BAX: variants seen among roughly 807,000 people sequenced by gnomAD.
The protein encoded by BAX is apoptosis regulator BAX.
Under a neutral mutation model 26.8 loss-of-function variants are expected in BAX, and 21 were observed. The ratio of observed to expected loss-of-function variants is 0.78; its 90% CI spans 0.56 to 1.13. The LOEUF (loss-of-function observed/expected upper bound fraction) is 1.13, where lower values mean the gene tolerates loss of function less well. BAX is among the 50% of genes most tolerant of loss of function. The probability of loss-of-function intolerance (pLI) is 0.00; values close to 1 mark genes in which losing one functional copy is unlikely to be tolerated. For synonymous variants in BAX, 110 were observed against 101.8 expected, an observed-to-expected ratio of 1.08 and a Z score of -0.49; for missense variants, 236 against 254.6, an observed-to-expected ratio of 0.93 and a Z score of 0.50.
At chr19:48,961,144 C>T (rs1437362405) in intron 5 of BAX, 7 of 1,543,634 alleles carry the variant, frequency 4.5e-6, no homozygotes, top group East Asian at 4.5e-5. Context: ...TGACCCCTGA[C>T]CTCACTGTGA....
chr19:48,960,183 A>G (rs2038300844), intron 4 of BAX: 2 of 422,346 alleles, frequency 4.7e-6, no homozygotes, highest in Non-Finnish European at 4.7e-6. Context: ...CTTGTTTACA[A>G]TTTTATTTTT....
rs751182192 is a variant in BAX at position 48,956,339 on chromosome 19, C to T, written c.369+6C>T. The T allele has an allele frequency of 3.7e-5, 58 of 1,555,888 alleles. No homozygotes were observed. Among genetic ancestry groups the T allele is most frequent in the Non-Finnish European group, 4.8e-5 (55 of 1,150,920 alleles). ...CCAGCAAACTGGTGCTCAAGGTGGG[C>T]AGCTGCAGGGCAGTGAGCCCAGGGA... On this transcript the variant is annotated splice_donor_region_variant and intron_variant, in intron 4 of 5. Coordinates refer to ENST00000345358, the MANE Select transcript of BAX (RefSeq NM_138761.4).
intron 1 of BAX, 81 bp downstream of exon 1, chr19:48,955,043 T>A: frequency 1.6e-6 from 2 of 1,233,610 alleles, no homozygotes; most frequent in Non-Finnish European, 1.0e-6. Context: ...GGCCTGGGGC[T>A]GTGCGATCTC....
rs767613414 is a variant in BAX at position 48,955,682 on chromosome 19, T to G, written c.87-5T>G. 6 of 1,611,844 alleles carry G rather than the reference T, an allele frequency of 3.7e-6. No homozygotes were observed. In the South Asian group the frequency reaches 6.6e-5, roughly 18 times the overall value. On this transcript the variant is annotated splice_polypyrimidine_tract_variant and splice_region_variant and intron_variant, in intron 2 of 5. Transcript: ENST00000345358. ...TTCTGCACCCTCACTCCATCCCCAC[T>G]CTAGTTTCATCCAGGATCGAGCAGG...
At chr19:48,955,310 G>A in intron 1 of BAX, 1 of 465,406 alleles carries the variant, frequency 2.1e-6, no homozygotes. Flanking sequence ...GGGTCTGGAT[G>A]CATATAGCGT....
chr19:48,961,147 C>T, intron 5 of BAX: 1 of 1,539,922 alleles, frequency 6.5e-7, no homozygotes, highest in Non-Finnish European at 8.7e-7. Context: ...CCCCTGACCT[C>T]ACTGTGACCT....
At chr19:48,960,188 AT>A (rs11358529) in intron 4 of BAX, 132,253 of 437,208 alleles carry the variant, frequency 0.3, 20,492 homozygotes, top group Non-Finnish European at 0.31. Flanking sequence ...TTACAATTTT[AT>A]TTTTTTTATT....
At chr19:48,956,423 C>CCT in intron 4 of BAX, 90 bp downstream of exon 4, 1 of 1,373,092 alleles carries the variant, frequency 7.3e-7, no homozygotes. Context: ...CTGCAGTGGC[C>CCT]CAGTGACCAC....
chr19:48,955,860 C>G (rs1466511334), intron 3 of BAX, 27 bp downstream of exon 3: 1 of 1,552,152 alleles, frequency 6.4e-7, no homozygotes, highest in Non-Finnish European at 8.7e-7. Flanking sequence ...ACCCAGAAGT[C>G]CAGCCACTGG....
chr19:48,960,143 CA>C (rs1384113701), intron 4 of BAX: 2 of 396,742 alleles, frequency 5.0e-6, no homozygotes, highest in Non-Finnish European at 1.0e-5. Context: ...ACAGAAGGCT[CA>C]GGGGTGGGGC....
chr19:48,961,568 C>T lies in BAX; in HGVS notation c.511C>T (p.Gln171Ter). The T allele has an allele frequency of 1.9e-6, 3 of 1,611,676 alleles. No individual in the cohort carries two copies. The highest frequency in any genetic ancestry group is 1.7e-6 in the Non-Finnish European group (2 of 1,179,024). Reference protein sequence around the residue: ...LLSYFGTPTWQTVTIFVAGVL... With the variant: ...LLSYFGTPTW ...CTCCTACTTTGGGACGCCCACGTGGCAGACCGTGACCATCTTTGTGGCGGG... is the reference window on the plus strand; with the variant it reads ...CTCCTACTTTGGGACGCCCACGTGGTAGACCGTGACCATCTTTGTGGCGGG... The change falls in exon 6 of 6, where the codon CAG becomes TAG. Residue 171 changes from glutamine (Q) to a stop codon, truncating the protein, a stop_gained. Transcript: ENST00000345358. LOFTEE classifies it high-confidence loss of function.
intron 3 of BAX, 40 bp downstream of exon 3, chr19:48,955,873 T>C: frequency 1.3e-6 from 2 of 1,544,694 alleles, no homozygotes. Flanking sequence ...GCCACTGGGC[T>C]CCTTCAGGAC....
chr19:48,961,283 C>T (rs1020597783), intron 5 of BAX: 56 of 1,415,250 alleles, frequency 4.0e-5, no homozygotes, highest in South Asian at 7.6e-5. Flanking sequence ...GAAGGGGTCT[C>T]GCTATGTTGC....
At chr19:48,960,420 A>G (rs1244877281) in intron 4 of BAX, 3 of 322,778 alleles carry the variant, frequency 9.3e-6, no homozygotes, top group Non-Finnish European at 1.2e-5. Context: ...CTGGAGTGCA[A>G]TGGCGCAACC....
At position 48,956,260 on chromosome 19, in the gene BAX, T is replaced by C. The variant is rs1350845070; in HGVS notation, c.296T>C (p.Met99Thr). The change falls in exon 4 of 6, where the codon ATG (methionine) becomes ACG (threonine). Residue 99 changes from methionine to threonine, a missense_variant. Met to Thr is a moderately conservative substitution (Grantham distance 81). Coordinates refer to ENST00000345358, the MANE Select transcript of BAX (RefSeq NM_138761.4). Reference protein sequence around the residue: ...REVFFRVAADMFSDGNFNWGR... With the variant: ...REVFFRVAADTFSDGNFNWGR... Reference sequence around the variant, plus strand: ...GTCTTTTTCCGAGTGGCAGCTGACATGTTTTCTGACGGCAACTTCAACTGG... The same window carrying C: ...GTCTTTTTCCGAGTGGCAGCTGACACGTTTTCTGACGGCAACTTCAACTGG... The C allele has an allele frequency of 6.3e-7, 1 of 1,589,408 alleles. No individual in the cohort carries two copies. Among genetic ancestry groups the C allele is most frequent in the Non-Finnish European group, 8.6e-7 (1 of 1,168,814 alleles).
intron 4 of BAX, chr19:48,960,295 G>A (rs1225831956): frequency 2.3e-6 from 1 of 427,480 alleles, no homozygotes; most frequent in Admixed American, 2.5e-5. Context: ...CTGGGTTCAA[G>A]CGATTCACCT....
intron 4 of BAX, among the ~76,000 whole-genome samples, chr19:48,958,631 C>A (rs1485814575): frequency 6.6e-6 from 1 of 151,748 alleles, no homozygotes; most frequent in African/African-American, 2.4e-5. Flanking sequence ...GCAACCTCCA[C>A]CTCCTGGGTT....
At chr19:48,955,202 G>A in intron 1 of BAX, 1 of 472,584 alleles carries the variant, frequency 2.1e-6, no homozygotes, top group Non-Finnish European at 3.4e-6. Flanking sequence ...GATCTCGGAA[G>A]CCAAGCCCCC....
At position 48,955,554 on chromosome 19, in the gene BAX, C is replaced by T. The variant is rs144179827; in HGVS notation, c.41C>T (p.Thr14Ile). The change falls in exon 2 of 6, where the codon ACC becomes ATC. Residue 14 changes from threonine to isoleucine, a missense_variant. By Grantham distance (89) the Thr-to-Ile change is moderately conservative. Coordinates refer to ENST00000345358, the MANE Select transcript of BAX (RefSeq NM_138761.4). ...CCCTTCCTTTCTCCTCTAGGGCCCACCAGCTCTGAGCAGATCATGAAGACA... is the reference window on the plus strand; with the variant it reads ...CCCTTCCTTTCTCCTCTAGGGCCCATCAGCTCTGAGCAGATCATGAAGACA... The part of the protein sequence containing the change: ...SGEQPRGGGP[T>I]SSEQIMKTGA... 1 of 1,613,112 alleles carries T rather than the reference C, an allele frequency of 6.2e-7. No homozygotes were observed. Among genetic ancestry groups the T allele is most frequent in the African/African-American group, 1.3e-5 (1 of 75,018 alleles).
Sources: allele counts gnomAD v4.1 joint callset (sites outside exome capture counted in the v4.1 genomes callset), GRCh38; gene constraint gnomAD v4.1.1; transcripts MANE v1.5; gene names NCBI Gene and HGNC (gene_info 2026-07-23, HGNC 2026-07-21).